The following RAD54L variants were observed in gnomAD, a reference collection of about 807,000 sequenced individuals.
RAD54L encodes DNA repair and recombination protein RAD54-like.
A neutral mutation model predicts 91.6 loss-of-function variants in RAD54L; 74 were observed. The ratio of observed to expected loss-of-function variants is 0.81; its 90% CI spans 0.67 to 0.98. The LOEUF is 0.98. Ranked by LOEUF, RAD54L falls within the 50% of genes least tolerant of loss-of-function variation. The pLI, the probability that RAD54L is intolerant of heterozygous loss-of-function variation, is 0.00. For missense variants in RAD54L, 887 were observed against 945.7 expected (o/e 0.94, Z 0.81); for synonymous variants, 304 against 349.7 (o/e 0.87, Z 1.46).
In RAD54L at chr1:46,276,350, A is replaced by G. The variant is rs545974319; in HGVS notation, c.1870-1467A>G. On this transcript the variant is annotated intron_variant, in intron 16 of 17. Transcript: ENST00000371975. ...AACTTTTTTTCTTTATTTTTTGTAG[A>G]GAAGGGGTCTTGCTATGTTGCCTAG... 3.3e-5 allele frequency among the ~76,000 whole-genome samples: 5 copies of G among 152,142 alleles called. No individual in the cohort carries two copies. The South Asian group carries it at 6.2e-4, about 19-fold the overall frequency.
chr1:46,270,861 C>G, intron 10 of RAD54L, 76 bp downstream of exon 10: 12 of 1,590,374 alleles, frequency 7.5e-6, no homozygotes, highest in Non-Finnish European at 9.4e-6. Flanking sequence ...CTTTGCCTCT[C>G]TAGAGCCCTC....
At chr1:46,251,138 G>C (rs1347204110) in intron 3 of RAD54L, among the ~76,000 whole-genome samples, 1 of 151,808 alleles carries the variant, frequency 6.6e-6, no homozygotes, top group East Asian at 1.9e-4. Flanking sequence ...GTGAAATCCC[G>C]TCTCTATTAA....
chr1:46,249,467 A>G (rs1196027182), intron 2 of RAD54L, among the ~76,000 whole-genome samples: 1 of 152,146 alleles, frequency 6.6e-6, no homozygotes, highest in Admixed American at 6.6e-5. Context: ...TGCCATGTAC[A>G]TGGGTCTCAG....
At chr1:46,254,383 A>G (rs1012615709) in intron 3 of RAD54L, among the ~76,000 whole-genome samples, 1 of 151,652 alleles carries the variant, frequency 6.6e-6, no homozygotes, top group African/African-American at 2.4e-5. Flanking sequence ...TGAGGACTTC[A>G]GCCTTAGACA....
In RAD54L at chr1:46,278,109, C is replaced by T. The variant is rs201414217; in HGVS notation, c.2071C>T (p.Arg691Trp). The T allele has an allele frequency of 4.5e-5, 72 of 1,613,816 alleles. No individual in the cohort carries two copies. The highest frequency in any genetic ancestry group is 3.3e-4 in the Middle Eastern group (2 of 6,084). The change falls in exon 18 of 18, where the codon CGG (arginine) becomes TGG (tryptophan). Residue 691 changes from arginine to tryptophan, a missense_variant. Coordinates refer to ENST00000371975, the MANE Select transcript of RAD54L (RefSeq NM_003579.4). ...CRRCVNSRQI[R>W]PPPDGSDCTS... Reference sequence around the variant, plus strand: ...ACGTTGTGTCAACAGCCGTCAGATCCGGCCACCCCCTGATGGTTCTGACTG... The same window carrying T: ...ACGTTGTGTCAACAGCCGTCAGATCTGGCCACCCCCTGATGGTTCTGACTG...
Position 46,277,953 on chromosome 1 carries a change from A to G in RAD54L, c.2006A>G (p.Glu669Gly). Residue 669 changes from glutamate to glycine, a missense_variant, in exon 17 of 18, where the codon GAA becomes GGA. Transcript: ENST00000371975. ...TTGAAGGAGCTGTTTATCCTGGATG[A>G]AGCTAGCCTCAGTGACACACATGAC... is the stretch of plus-strand genomic sequence containing the variant. ...GELKELFILD[E>G]ASLSDTHDRL... 6.2e-7 allele frequency: 1 copy of G among 1,614,156 alleles called. No individual in the cohort carries two copies. Among genetic ancestry groups the G allele is most frequent in the South Asian group, 1.1e-5 (1 of 91,086 alleles).
chr1:46,263,666 C>T lies in RAD54L; in HGVS notation c.891+2281C>T, dbSNP rs1277662895. Among the ~76,000 whole-genome samples, 1 of 152,122 alleles carries T rather than the reference C, an allele frequency of 6.6e-6. No individual in the cohort carries two copies. The highest frequency in any genetic ancestry group is 1.9e-4 in the East Asian group (1 of 5,200). On this transcript the variant is annotated intron_variant, in intron 8 of 17. Coordinates refer to ENST00000371975, the MANE Select transcript of RAD54L (RefSeq NM_003579.4). This position sits in a 1 kb window ranked among gnomAD's most constrained non-coding sequence, Gnocchi z 4.3. ...GTATGCATGTTACTGCCCTGTGGTTCAAGGCCCTGACATCTGCTTCATCAC... is the reference window on the plus strand; with the variant it reads ...GTATGCATGTTACTGCCCTGTGGTTTAAGGCCCTGACATCTGCTTCATCAC...
Position 46,278,144 on chromosome 1 carries a change from C to T in RAD54L, c.2106C>T (p.Asp702=), listed in dbSNP as rs2148308888. 6.2e-7 allele frequency: 1 copy of T among 1,613,862 alleles called. No individual in the cohort carries two copies. Among genetic ancestry groups the T allele is most frequent in the Non-Finnish European group, 8.5e-7 (1 of 1,179,896 alleles). ...CTGATGGTTCTGACTGCACTTCAGA[C>T]CTGGCAGGGTGGAACCACTGCACTG... ...PPPDGSDCTS[D]LAGWNHCTDK... is the part of the protein sequence containing the mutation. Residue 702 remains aspartate, a synonymous_variant, in exon 18 of 18, where the codon GAC becomes GAT. Transcript: ENST00000371975.
chr1:46,276,067 T>G lies in RAD54L; in HGVS notation c.1869+1350T>G, dbSNP rs368876478. The stretch of plus-strand genomic sequence containing the variant: ...TAACTATAAAATTTTAGCCCAGATC[T>G]CTTACCTGAGCTCTAAATCCCTATT... On this transcript the variant is annotated intron_variant, in intron 16 of 17. Transcript: ENST00000371975. Among the ~76,000 whole-genome samples, 74 of 152,318 alleles carry G rather than the reference T, an allele frequency of 4.9e-4. 1 individual carries two copies. The South Asian group carries it at 0.014, about 29-fold the overall frequency.
At chr1:46,275,440 C>T (rs985830193) in intron 16 of RAD54L, among the ~76,000 whole-genome samples, 28 of 152,316 alleles carry the variant, frequency 1.8e-4, no homozygotes, top group East Asian at 1.9e-4. Flanking sequence ...AGCCTCTCCC[C>T]TTCCCACCCT....
chr1:46,261,264 G>T lies in RAD54L; in HGVS notation c.770G>T (p.Gly257Val), dbSNP rs181427104. The stretch of plus-strand genomic sequence containing the variant: ...CTTTACACCTTTTCTGTTGTAGAAG[G>T]ATTCATGAACCAGCGTGGAGCCAGG... ...SKDEIDQKLE[G>V]FMNQRGARVS... The change falls in exon 8 of 18, where the codon GGA becomes GTA. Residue 257 changes from glycine to valine, a missense_variant. Physicochemically the swap from Gly to Val is moderately radical, Grantham distance 109. Coordinates refer to ENST00000371975, the MANE Select transcript of RAD54L (RefSeq NM_003579.4). The T allele has an allele frequency of 1.9e-5, 30 of 1,612,424 alleles. No individual in the cohort carries two copies. In the East Asian group the frequency reaches 6.2e-4, roughly 34 times the overall value.
chr1:46,274,286 A>C, intron 15 of RAD54L, 70 bp downstream of exon 15: 1 of 1,499,212 alleles, frequency 6.7e-7, no homozygotes, highest in East Asian at 2.3e-5. Flanking sequence ...TAGAGAAGCT[A>C]TAAGGGGTTA....
rs1346854862 is a variant in RAD54L, at chr1:46,260,935, A to T, written c.686A>T (p.Glu229Val). The change falls in exon 7 of 18, where the codon GAG (glutamate) becomes GTG (valine). Residue 229 changes from glutamate to valine, a missense_variant. By Grantham distance (121) the Glu-to-Val change is moderately radical. Coordinates refer to ENST00000371975, the MANE Select transcript of RAD54L (RefSeq NM_003579.4). ...AGCCTGGTGAAGAACTGGTACAATG[A>T]GGTTGGGAAATGGCTCGGAGGGAGG... ...PSSLVKNWYN[E>V]VGKWLGGRIQ... 11 of 1,614,072 alleles carry T rather than the reference A, an allele frequency of 6.8e-6. No individual in the cohort carries two copies. Among genetic ancestry groups the T allele is most frequent in the Non-Finnish European group, 9.3e-6 (11 of 1,180,036 alleles).
In RAD54L at chr1:46,260,629, G is replaced by A. The variant is rs574547560; in HGVS notation, c.477+18G>A. The A allele has an allele frequency of 5.0e-4, 803 of 1,613,968 alleles. 6 individuals are homozygous for A. In the East Asian group the frequency reaches 9.1e-3, roughly 18 times the overall value. On this transcript the variant is annotated intron_variant, in intron 6 of 17. Transcript: ENST00000371975. ...AGAGAGAGGTAAATGAGGGTGAGGG[G>A]AACGAGGTATGGGCTATGGGCTGAG...
At position 46,250,126 on chromosome 1, in the gene RAD54L, C is replaced by T. The variant is rs751689040; in HGVS notation, c.210+7C>T. On this transcript the variant is annotated splice_region_variant and intron_variant, in intron 3 of 17. Transcript: ENST00000371975. Reference sequence around the variant, plus strand: ...TCTGGACAGCAGTCAGCATGTAAGCCAGAACTGCAACCTGCATGTGTATGT... The same window carrying T: ...TCTGGACAGCAGTCAGCATGTAAGCTAGAACTGCAACCTGCATGTGTATGT... 5 of 1,614,080 alleles carry T rather than the reference C, an allele frequency of 3.1e-6. No homozygotes were observed. The East Asian group carries it at 6.7e-5, about 22-fold the overall frequency.
intron 7 of RAD54L, 82 bp downstream of exon 7, chr1:46,261,097 T>G (rs943810378): frequency 6.4e-7 from 1 of 1,558,464 alleles, no homozygotes; most frequent in African/African-American, 1.4e-5. Flanking sequence ...ATGGCCAGGG[T>G]GGAGGGCAAT....
In RAD54L at chr1:46,278,415, A is replaced by G; in HGVS notation, c.*133A>G. The G allele has an allele frequency of 9.3e-7, 1 of 1,078,704 alleles. No homozygotes were observed. Among genetic ancestry groups the G allele is most frequent in the Non-Finnish European group, 1.4e-6 (1 of 738,358 alleles). 66.8% of individuals were successfully genotyped at this position (1,078,704 alleles called of 1,614,324 possible). On this transcript the variant is annotated 3_prime_UTR_variant, in exon 18 of 18. Transcript: ENST00000371975. ...AAGGGCTGCATGATGTTTGCCCAAA[A>G]TTTATTTTATAAGAAAAACTTTTTT...
intron 14 of RAD54L, 40 bp downstream of exon 14, chr1:46,273,787 C>G (rs1168195738): frequency 6.4e-7 from 1 of 1,569,624 alleles, no homozygotes; most frequent in Non-Finnish European, 8.7e-7. Flanking sequence ...GGGGGATATA[C>G]CCCTCCCCTA....
chr1:46,273,546 C>T, intron 13 of RAD54L, 78 bp from the exon 14 acceptor site: 1 of 1,611,300 alleles, frequency 6.2e-7, no homozygotes, highest in Non-Finnish European at 8.5e-7. Flanking sequence ...TGTCCTGTTT[C>T]AAGGCAGGAT....
Sources: gnomAD v4.1 joint callset for allele counts (sites outside exome capture counted in the v4.1 genomes callset) on GRCh38, gnomAD v4.1.1 for gene constraint, Gnocchi (gnomAD v3.1) non-coding constraint, MANE v1.5 for transcripts, NCBI Gene and HGNC (gene_info 2026-07-23, HGNC 2026-07-21) for gene names.